The following PTPRG variants were observed in gnomAD, a reference collection of about 807,000 sequenced individuals.
The protein encoded by PTPRG is receptor-type tyrosine-protein phosphatase gamma.
In PTPRG, 102 loss-of-function variants were observed where a neutral mutation model predicts 165.3. The ratio of observed to expected loss-of-function variants is 0.62; its 90% CI spans 0.53 to 0.73. PTPRG has a LOEUF of 0.73. Among genes scored for constraint, PTPRG ranks in the 30% least tolerant of loss-of-function variants. PTPRG has a pLI of 0.00. For missense variants in PTPRG, 1,866 were observed against 1,861.4 expected (o/e 1.00, Z -0.05); for synonymous variants, 675 against 669.5 (o/e 1.01, Z -0.13).
intron 2 of PTPRG, among the ~76,000 whole-genome samples, chr3:61,812,568 G>T (rs2035618771): frequency 6.6e-6 from 1 of 152,150 alleles, no homozygotes; most frequent in Admixed American, 6.6e-5. Flanking sequence ...AACAGAAATG[G>T]ATGCCTTTGC....
chr3:62,164,937 G>C (rs1704910691), intron 7 of PTPRG, among the ~76,000 whole-genome samples: 1 of 152,232 alleles, frequency 6.6e-6, no homozygotes, highest in African/African-American at 2.4e-5. Context: ...TTTTGGGACA[G>C]ATGGCTGTCT....
intron 5 of PTPRG, among the ~76,000 whole-genome samples, chr3:62,125,305 G>A (rs944341252): frequency 6.6e-6 from 1 of 152,140 alleles, no homozygotes; most frequent in African/African-American, 2.4e-5. Context: ...AATGTGCCTT[G>A]TCTCTTATAT....
intron 4 of PTPRG, 64 bp from the exon 5 acceptor site, chr3:62,078,099 T>G (rs1028502400): frequency 9.5e-5 from 104 of 1,096,204 alleles, no homozygotes; most frequent in Non-Finnish European, 1.3e-4. Context: ...TATGGTACTA[T>G]TCTCTCAACT....
At chr3:62,136,814 G>A (rs1703725954) in intron 6 of PTPRG, among the ~76,000 whole-genome samples, 1 of 152,204 alleles carries the variant, frequency 6.6e-6, no homozygotes, top group African/African-American at 2.4e-5. Context: ...CCCCAGTCAC[G>A]TGGAACTGTG....
At chr3:62,145,156 G>A (rs1183338058) in intron 6 of PTPRG, among the ~76,000 whole-genome samples, 1 of 152,134 alleles carries the variant, frequency 6.6e-6, no homozygotes, top group Non-Finnish European at 1.5e-5. Context: ...ATTGCGTAGT[G>A]GGTTTGAAAT....
chr3:61,755,740 A>G (rs1372151235), intron 2 of PTPRG, among the ~76,000 whole-genome samples: 1 of 152,226 alleles, frequency 6.6e-6, no homozygotes, highest in African/African-American at 2.4e-5. Context: ...GCTCTAGAGC[A>G]TGTGGTCGGG....
At chr3:61,595,194 T>A (rs900530711) in intron 1 of PTPRG, among the ~76,000 whole-genome samples, 1 of 152,186 alleles carries the variant, frequency 6.6e-6, no homozygotes, top group Non-Finnish European at 1.5e-5. Context: ...TGTTTTTTTT[T>A]TTTTCCTTTG....
intron 8 of PTPRG, among the ~76,000 whole-genome samples, chr3:62,188,614 T>C (rs926480327): frequency 3.3e-5 from 5 of 152,158 alleles, no homozygotes; most frequent in African/African-American, 1.2e-4. Flanking sequence ...ATCATCTTAA[T>C]GCACACAGAA....
rs1196829090 is a variant in PTPRG, at chr3:61,738,316, A to G, written c.86-10562A>G. Among the ~76,000 whole-genome samples the G allele has an allele frequency of 5.6e-4, 54 of 96,448 alleles. 6 individuals carry two copies. Among genetic ancestry groups the G allele is most frequent in the African/African-American group, 1.4e-3 (41 of 28,382 alleles). 63.3% of individuals were successfully genotyped at this position (96,448 alleles called of 152,430 possible). A position where few individuals can be genotyped will look rare whatever the true frequency, so the allele number is the denominator to read the frequency against. On this transcript the variant is annotated intron_variant, in intron 1 of 29. Transcript: ENST00000474889. ...TATATATATATATATATATATACAT[A>G]TATATATATATATATATATATGTAT... is the stretch of plus-strand genomic sequence containing the variant.
intron 2 of PTPRG, among the ~76,000 whole-genome samples, chr3:61,799,500 G>A (rs2035168840): frequency 6.6e-6 from 1 of 152,078 alleles, no homozygotes; most frequent in African/African-American, 2.4e-5. Context: ...GACTTTCCTT[G>A]TTCTTAATGA....
intron 16 of PTPRG, chr3:62,262,085 G>A (rs866340721): frequency 3.3e-5 from 5 of 152,154 alleles, no homozygotes; most frequent in South Asian, 4.1e-4. Context: ...TTTCAGCAAC[G>A]TTGTATTAGG....
At chr3:62,160,864 ATTTTTTTTT>A (rs5849464) in intron 7 of PTPRG, among the ~76,000 whole-genome samples, 3,269 of 104,028 alleles carry the variant, frequency 0.031, 59 homozygotes, top group Middle Eastern at 0.15. Context: ...TAGATGTGTG[ATTTTTTTTT>A]TTTTTTTTTT....
intron 4 of PTPRG, among the ~76,000 whole-genome samples, chr3:62,076,930 T>C (rs1020057929): frequency 1.3e-5 from 2 of 152,206 alleles, no homozygotes; most frequent in Non-Finnish European, 2.9e-5. Flanking sequence ...ATTAAAGTTG[T>C]ATAATGATTC....
intron 2 of PTPRG, among the ~76,000 whole-genome samples, chr3:61,784,434 T>G (rs1270071855): frequency 6.6e-6 from 1 of 152,314 alleles, no homozygotes; most frequent in Non-Finnish European, 1.5e-5. Context: ...TTAACCTAAT[T>G]GGGTGGGGGA....
At chr3:61,804,348 A>G (rs908140986) in intron 2 of PTPRG, among the ~76,000 whole-genome samples, 12 of 152,208 alleles carry the variant, frequency 7.9e-5, no homozygotes, top group African/African-American at 2.2e-4. Context: ...ACTAGATTGT[A>G]TCCTCCTTAC....
At chr3:61,977,362 G>A (rs2040535162) in intron 2 of PTPRG, among the ~76,000 whole-genome samples, 1 of 152,116 alleles carries the variant, frequency 6.6e-6, no homozygotes, top group South Asian at 2.1e-4. Context: ...TTCTCTAATT[G>A]TGTGTCTAAT....
chr3:62,060,466 G>C (rs567598879), intron 4 of PTPRG, among the ~76,000 whole-genome samples: 8 of 152,266 alleles, frequency 5.3e-5, no homozygotes, highest in African/African-American at 1.9e-4. Context: ...AGCAAGAAGC[G>C]TTCTCTTTCC....
At chr3:61,912,426 C>A (rs2038824937) in intron 2 of PTPRG, among the ~76,000 whole-genome samples, 1 of 152,092 alleles carries the variant, frequency 6.6e-6, no homozygotes, top group Non-Finnish European at 1.5e-5. Flanking sequence ...AGTGTCTCAG[C>A]ATCATTTAGA....
At chr3:61,934,232 T>C (rs2039432432) in intron 2 of PTPRG, among the ~76,000 whole-genome samples, 2 of 152,212 alleles carry the variant, frequency 1.3e-5, no homozygotes, top group South Asian at 4.1e-4. Context: ...AATGTATTAA[T>C]TAGAATCACT....
Sources: allele counts gnomAD v4.1 joint callset (sites outside exome capture counted in the v4.1 genomes callset), GRCh38; gene constraint gnomAD v4.1.1; transcripts MANE v1.5; gene names NCBI Gene and HGNC (gene_info 2026-07-23, HGNC 2026-07-21).